Variants in SHISA9 observed in about 807,000 individuals in gnomAD.
The protein encoded by SHISA9 is shisa family member 9.
A neutral mutation model predicts 38.0 loss-of-function variants in SHISA9; 13 were observed. The observed-to-expected ratio is 0.34, with a 90% CI of 0.22 to 0.54. The LOEUF (loss-of-function observed/expected upper bound fraction) is 0.54, where lower values mean the gene tolerates loss of function less well. Ranked by LOEUF, SHISA9 falls within the 20% of genes least tolerant of loss-of-function variation. The probability of loss-of-function intolerance (pLI) is 0.91; values close to 1 mark genes in which losing one functional copy is unlikely to be tolerated. For synonymous variants in SHISA9, 275 were observed against 242.0 expected, an observed-to-expected ratio of 1.14 and a Z score of -1.27; for missense variants, 538 against 575.8, an observed-to-expected ratio of 0.93 and a Z score of 0.67.
chr16:13,272,221 A>G, the SHISA9 span, among the ~76,000 whole-genome samples: 2 of 152,122 alleles, frequency 1.3e-5, no homozygotes, highest in African/African-American at 4.8e-5. Flanking sequence ...AGCTCAATAA[A>G]TTTTTTTATA....
At chr16:13,474,893 G>C in the SHISA9 span, among the ~76,000 whole-genome samples, 13 of 152,292 alleles carry the variant, frequency 8.5e-5, no homozygotes, top group South Asian at 2.3e-3. Context: ...TGTGTGTTTG[G>C]GGAGTGAAGA....
intron 1 of SHISA9, among the ~76,000 whole-genome samples, chr16:12,903,699 A>C (rs2071053951): frequency 6.6e-6 from 1 of 152,000 alleles, no homozygotes; most frequent in African/African-American, 2.4e-5. Context: ...TGGTTGGGGC[A>C]TAAGCTTTAA....
the SHISA9 span, among the ~76,000 whole-genome samples, chr16:13,427,778 G>A: frequency 6.6e-6 from 1 of 152,126 alleles, no homozygotes. Flanking sequence ...GCTGTAAGGA[G>A]AGGCAAACAG....
the SHISA9 span, among the ~76,000 whole-genome samples, chr16:13,534,397 G>C: frequency 2.6e-5 from 4 of 151,800 alleles, no homozygotes; most frequent in South Asian, 2.1e-4. Flanking sequence ...GCTAATTTTT[G>C]TATTTTTAGT....
chr16:13,296,239 A>T, the SHISA9 span, among the ~76,000 whole-genome samples: 17 of 150,006 alleles, frequency 1.1e-4, no homozygotes, highest in African/African-American at 4.2e-4. Flanking sequence ...TCTCTGCAAC[A>T]TTCCCCACCC....
At chr16:13,468,699 C>G in the SHISA9 span, among the ~76,000 whole-genome samples, 15 of 152,028 alleles carry the variant, frequency 9.9e-5, no homozygotes, top group Non-Finnish European at 1.9e-4. Context: ...AAGAAGCGTC[C>G]AGGTGTATGA....
the SHISA9 span, among the ~76,000 whole-genome samples, chr16:13,398,383 C>A: frequency 6.6e-6 from 1 of 152,230 alleles, no homozygotes; most frequent in Admixed American, 6.5e-5. Flanking sequence ...GGAGTTGATA[C>A]TCCTAACCCC....
Position 12,902,271 on chromosome 16 carries a change from C to A in SHISA9, c.207C>A (p.Pro69=). The change falls in exon 1 of 5, where the codon CCC becomes CCA. Residue 69 remains proline (P), a synonymous_variant. Coordinates refer to ENST00000558583, the MANE Select transcript of SHISA9 (RefSeq NM_001145204.3). ...EASDAPPTRA[P]TPDFCRGYFD... Reference sequence around the variant, plus strand: ...CGGACGCGCCCCCGACCCGGGCGCCCACGCCGGACTTCTGCCGGGGCTACT... The same window carrying A: ...CGGACGCGCCCCCGACCCGGGCGCCAACGCCGGACTTCTGCCGGGGCTACT... 6.5e-7 allele frequency: 1 copy of A among 1,548,708 alleles called. No homozygotes were observed. Among genetic ancestry groups the A allele is most frequent in the Non-Finnish European group, 8.7e-7 (1 of 1,146,844 alleles).
chr16:12,955,199 G>C (rs2071812882), intron 2 of SHISA9, among the ~76,000 whole-genome samples: 1 of 152,100 alleles, frequency 6.6e-6, no homozygotes, highest in African/African-American at 2.4e-5. Flanking sequence ...CAATGGGCAT[G>C]TCAGGACTGG....
chr16:13,440,022 G>C, the SHISA9 span, among the ~76,000 whole-genome samples: 45 of 152,332 alleles, frequency 3.0e-4, no homozygotes, highest in African/African-American at 9.4e-4. Flanking sequence ...TCAAGAGGAC[G>C]TGCGTTCTGG....
intron 4 of SHISA9, among the ~76,000 whole-genome samples, chr16:13,225,599 T>A: frequency 6.6e-6 from 1 of 152,206 alleles, no homozygotes. Flanking sequence ...ATCCATCACC[T>A]GTGACCCAGG....
chr16:13,178,689 C>G (rs548882608), intron 2 of SHISA9, among the ~76,000 whole-genome samples: 42 of 152,302 alleles, frequency 2.8e-4, no homozygotes, highest in African/African-American at 9.6e-4. Context: ...GAGAAGCCAG[C>G]CTCCAGCCTT....
intron 1 of SHISA9, among the ~76,000 whole-genome samples, chr16:12,911,955 T>C (rs1289169301): frequency 6.6e-6 from 1 of 152,248 alleles, no homozygotes; most frequent in Non-Finnish European, 1.5e-5. Flanking sequence ...CCCAAGCTAA[T>C]AAATAATTTA....
intron 4 of SHISA9, among the ~76,000 whole-genome samples, chr16:13,220,912 G>A (rs957066285): frequency 1.3e-5 from 2 of 152,140 alleles, no homozygotes; most frequent in Non-Finnish European, 2.9e-5. Context: ...AACAAAGGGG[G>A]CCCATGGTAC....
the SHISA9 span, among the ~76,000 whole-genome samples, chr16:13,314,255 C>T: frequency 2.0e-5 from 3 of 151,180 alleles, no homozygotes; most frequent in African/African-American, 7.3e-5. Context: ...CTCTTGTCTC[C>T]CAGGCTGGAG....
At chr16:13,175,112 G>A (rs1449974670) in intron 2 of SHISA9, among the ~76,000 whole-genome samples, 1 of 151,888 alleles carries the variant, frequency 6.6e-6, no homozygotes, top group Non-Finnish European at 1.5e-5. Context: ...CATGCCTGTA[G>A]TCTCAGCACT....
At chr16:13,381,755 G>A in the SHISA9 span, among the ~76,000 whole-genome samples, 7 of 152,114 alleles carry the variant, frequency 4.6e-5, no homozygotes, top group African/African-American at 1.4e-4. Context: ...AGAAGAAATA[G>A]CAAGAAGTTG....
chr16:13,532,402 G>C, the SHISA9 span, among the ~76,000 whole-genome samples: 2 of 152,306 alleles, frequency 1.3e-5, no homozygotes, highest in Admixed American at 6.5e-5. Context: ...ATGGTGTTGA[G>C]AGCCACAAAT....
the SHISA9 span, among the ~76,000 whole-genome samples, chr16:13,280,527 A>T: frequency 2.6e-5 from 4 of 151,808 alleles, no homozygotes; most frequent in Admixed American, 6.6e-5. Context: ...TATTTTAAGA[A>T]GTTTTTGAGT....
Sources: gnomAD v4.1 joint callset for allele counts (sites outside exome capture counted in the v4.1 genomes callset) on GRCh38, gnomAD v4.1.1 for gene constraint, MANE v1.5 for transcripts, NCBI Gene and HGNC (gene_info 2026-07-23, HGNC 2026-07-21) for gene names.